The following MYCT1 variants were observed in gnomAD, a reference collection of about 807,000 sequenced individuals.
MYCT1 encodes MYC target 1.
Under a neutral mutation model 15.0 loss-of-function variants are expected in MYCT1, and 12 were observed. The observed-to-expected ratio is 0.80, with a 90% CI of 0.51 to 1.29. The LOEUF (loss-of-function observed/expected upper bound fraction) is 1.29. Among genes scored for constraint, MYCT1 ranks in the 50% most tolerant of loss-of-function variants. MYCT1 has a pLI of 0.00. For missense variants in MYCT1, 287 were observed against 279.1 expected (o/e 1.03, Z -0.20); for synonymous variants, 104 against 102.7 (o/e 1.01, Z -0.07).
chr6:152,746,754 A>G, the MYCT1 span, among the ~76,000 whole-genome samples: 1 of 152,190 alleles, frequency 6.6e-6, no homozygotes, highest in Admixed American at 6.5e-5. Flanking sequence ...GATACATACA[A>G]CCCTAATAAA....
At chr6:152,736,569 G>A in the MYCT1 span, among the ~76,000 whole-genome samples, 1 of 152,074 alleles carries the variant, frequency 6.6e-6, no homozygotes, top group Non-Finnish European at 1.5e-5. Context: ...GTACATCGGT[G>A]GGTGTATAAG....
At chr6:152,736,723 T>C in the MYCT1 span, among the ~76,000 whole-genome samples, 1 of 152,234 alleles carries the variant, frequency 6.6e-6, no homozygotes, top group East Asian at 1.9e-4. Context: ...TGAACATGCA[T>C]GATCATTAGT....
the MYCT1 span, among the ~76,000 whole-genome samples, chr6:152,744,030 A>G: frequency 1.4e-4 from 21 of 152,310 alleles, no homozygotes; most frequent in African/African-American, 5.1e-4. Flanking sequence ...GTTTGCCTCA[A>G]GTCTCCTTCC....
chr6:152,739,083 G>A, the MYCT1 span, among the ~76,000 whole-genome samples: 3 of 151,584 alleles, frequency 2.0e-5, no homozygotes, highest in African/African-American at 4.8e-5. Context: ...TTTATTTTTA[G>A]GATACACAAA....
intron 1 of MYCT1, among the ~76,000 whole-genome samples, chr6:152,708,860 AT>A (rs573898870): frequency 0.042 from 2,945 of 70,314 alleles, 932 homozygotes; most frequent in African/African-American, 0.11. Flanking sequence ...TTATTTTTTT[AT>A]TTTTTTTTTT....
At chr6:152,707,014 TTAA>T (rs1295458743) in intron 1 of MYCT1, among the ~76,000 whole-genome samples, 1 of 152,110 alleles carries the variant, frequency 6.6e-6, no homozygotes, top group Non-Finnish European at 1.5e-5. Flanking sequence ...TCATTTCCTT[TTAA>T]TGTACACCTG....
chr6:152,728,221 T>C (rs2129071647), downstream of MYCT1, among the ~76,000 whole-genome samples: 1 of 149,578 alleles, frequency 6.7e-6, no homozygotes, highest in East Asian at 2.0e-4. Context: ...TTAGCTAAAA[T>C]AGAGAACAAG....
intron 1 of MYCT1, among the ~76,000 whole-genome samples, chr6:152,720,021 A>C (rs1268816126): frequency 6.6e-6 from 1 of 152,006 alleles, no homozygotes; most frequent in African/African-American, 2.4e-5. Flanking sequence ...AATCCTGTGG[A>C]TTGGTAATTT....
At chr6:152,732,745 C>G in the MYCT1 span, among the ~76,000 whole-genome samples, 510 of 152,210 alleles carry the variant, frequency 3.4e-3, 4 homozygotes, top group African/African-American at 0.011. Flanking sequence ...GGCACAGACA[C>G]AAAGAAGAGA....
At chr6:152,746,372 C>A in the MYCT1 span, among the ~76,000 whole-genome samples, 139 of 152,288 alleles carry the variant, frequency 9.1e-4, 3 homozygotes, top group South Asian at 0.028. Flanking sequence ...ATAGACAGCA[C>A]AGATATGCTG....
the MYCT1 span, among the ~76,000 whole-genome samples, chr6:152,736,162 GAT>G: frequency 2.0e-5 from 3 of 152,000 alleles, no homozygotes; most frequent in Non-Finnish European, 4.4e-5. Context: ...AATAGGAACA[GAT>G]ATATATTCAC....
intron 1 of MYCT1, chr6:152,705,948 GA>G (rs2099722184): frequency 1.2e-5 from 9 of 777,884 alleles, no homozygotes; most frequent in Non-Finnish European, 2.1e-5. Flanking sequence ...GAATATGGTG[GA>G]AAAAGCAATT....
chr6:152,745,130 C>T, the MYCT1 span, among the ~76,000 whole-genome samples: 11 of 152,252 alleles, frequency 7.2e-5, no homozygotes, highest in South Asian at 1.0e-3. Flanking sequence ...TACCAAGCTT[C>T]GGTCCCAGGG....
intron 1 of MYCT1, among the ~76,000 whole-genome samples, chr6:152,698,547 T>C (rs531327757): frequency 2.6e-5 from 4 of 152,248 alleles, no homozygotes; most frequent in African/African-American, 9.6e-5. Context: ...ATAGAGGCTA[T>C]TTTCACTTAT....
the MYCT1 span, among the ~76,000 whole-genome samples, chr6:152,732,774 A>G: frequency 1.3e-5 from 2 of 152,212 alleles, no homozygotes. Flanking sequence ...TGAAAATGGG[A>G]CAGAAAGAGA....
At chr6:152,729,197 G>A (rs890325524), downstream of MYCT1, among the ~76,000 whole-genome samples, 5 of 152,154 alleles carry the variant, frequency 3.3e-5, no homozygotes, top group African/African-American at 9.7e-5. Context: ...TCTATGCAAA[G>A]CTATAAGTAT....
the MYCT1 span, among the ~76,000 whole-genome samples, chr6:152,737,453 G>C: frequency 6.6e-6 from 1 of 151,950 alleles, no homozygotes; most frequent in Non-Finnish European, 1.5e-5. Flanking sequence ...ACTTGCATAA[G>C]GTCTTATACT....
chr6:152,721,780 G>A lies in MYCT1; in HGVS notation c.235G>A (p.Gly79Arg), dbSNP rs759084346. Residue 79 changes from glycine to arginine, a missense_variant, in exon 2 of 2, where the codon GGG becomes AGG. Physicochemically the swap from Gly to Arg is moderately radical, Grantham distance 125 (BLOSUM62 -2). Coordinates refer to ENST00000367245, the MANE Select transcript of MYCT1 (RefSeq NM_025107.3). ...IMSFTVSMAI[G>R]LVLGGFIWAV... ...GTCCTTCACTGTATCCATGGCAATC[G>A]GGCTGGTACTTGGAGGATTTATTTG... is the stretch of plus-strand genomic sequence containing the variant. 17 of 1,613,824 alleles carry A rather than the reference G, an allele frequency of 1.1e-5. No homozygotes were observed. Among genetic ancestry groups the A allele is most frequent in the Middle Eastern group, 1.6e-4 (1 of 6,084 alleles).
At chr6:152,732,101 G>T in the MYCT1 span, among the ~76,000 whole-genome samples, 1 of 152,170 alleles carries the variant, frequency 6.6e-6, no homozygotes, top group Non-Finnish European at 1.5e-5. Context: ...AATTCAATGT[G>T]ATGAAAGACA....
Sources: gnomAD v4.1 joint callset for allele counts (sites outside exome capture counted in the v4.1 genomes callset) on GRCh38, gnomAD v4.1.1 for gene constraint, MANE v1.5 for transcripts, NCBI Gene and HGNC (gene_info 2026-07-23, HGNC 2026-07-21) for gene names.